Variants in CFAP46 observed in about 807,000 individuals in gnomAD.
The protein encoded by CFAP46 is cilia- and flagella-associated protein 46.
A neutral mutation model predicts 325.7 loss-of-function variants in CFAP46; 245 were observed. The observed-to-expected ratio is 0.75, with a 90% CI of 0.68 to 0.84. The LOEUF is 0.84. Ranked by LOEUF, CFAP46 falls within the 40% of genes least tolerant of loss-of-function variation. The pLI is 0.00. For synonymous variants in CFAP46, 1,523 were observed against 1,495.9 expected (o/e 1.02, Z -0.42); for missense variants, 3,346 against 3,543.0 (o/e 0.94, Z 1.41).
intron 10 of CFAP46, among the ~76,000 whole-genome samples, chr10:132,926,238 C>T (rs559499022): frequency 6.6e-6 from 1 of 152,272 alleles, no homozygotes; most frequent in South Asian, 2.1e-4. Flanking sequence ...GCGTGGCCGT[C>T]CCCCGTCCTC....
intron 8 of CFAP46, among the ~76,000 whole-genome samples, chr10:132,930,101 A>T (rs1849870217): frequency 6.6e-6 from 1 of 152,048 alleles, no homozygotes; most frequent in African/African-American, 2.4e-5. Context: ...CATGTGCAGA[A>T]CCCAGGAGAA....
Position 132,884,586 on chromosome 10 carries a change from C to G in CFAP46, c.3627+517G>C, listed in dbSNP as rs1419168281. Reference sequence around the variant, plus strand: ...CCCCTGACAAGCAGAGGCATCAAATCAACGCCAAAGCACCCACCTCCTCCT... The same window carrying G: ...CCCCTGACAAGCAGAGGCATCAAATGAACGCCAAAGCACCCACCTCCTCCT... On this transcript the variant is annotated intron_variant, in intron 27 of 57. Coordinates refer to ENST00000368586, the MANE Select transcript of CFAP46 (RefSeq NM_001200049.3). The surrounding 1 kb of genome is among the most constrained non-coding windows in gnomAD (Gnocchi z 5.4). Among the ~76,000 whole-genome samples the G allele has an allele frequency of 1.3e-5, 2 of 152,144 alleles. No homozygotes were observed. Among genetic ancestry groups the G allele is most frequent in the African/African-American group, 4.8e-5 (2 of 41,442 alleles).
Position 132,880,868 on chromosome 10 carries a change from C to CGTGG in CFAP46, c.3788_3791dup (p.Pro1265HisfsTer31). The CGTGG allele has an allele frequency of 6.5e-7, 1 of 1,547,688 alleles. No individual in the cohort carries two copies. Among genetic ancestry groups the CGTGG allele is most frequent in the Non-Finnish European group, 8.7e-7 (1 of 1,146,842 alleles). The stretch of plus-strand genomic sequence containing the variant: ...CCAGCGGCGTGGGCTCACCATCCGG[C>CGTGG]GTGGGCTGTGGCTCAGGGACATCGC... On this transcript the variant is annotated frameshift_variant, in exon 28 of 58. Coordinates refer to ENST00000368586, the MANE Select transcript of CFAP46 (RefSeq NM_001200049.3). LOFTEE classifies it high-confidence loss of function.
chr10:132,903,049 AT>A (rs749561404), intron 22 of CFAP46, among the ~76,000 whole-genome samples: 47 of 146,646 alleles, frequency 3.2e-4, no homozygotes, highest in Non-Finnish European at 1.5e-4. Context: ...CTCTCACCCC[AT>A]TGCTAAGGTG....
At chr10:132,818,645 G>A (rs770761234) in intron 50 of CFAP46, among the ~76,000 whole-genome samples, 1 of 152,098 alleles carries the variant, frequency 6.6e-6, no homozygotes, top group Non-Finnish European at 1.5e-5. Flanking sequence ...CTGAGGGCAG[G>A]AGTTTGAGAC....
intron 31 of CFAP46, among the ~76,000 whole-genome samples, chr10:132,873,300 C>T (rs1163786803): frequency 6.6e-6 from 1 of 152,136 alleles, no homozygotes; most frequent in African/African-American, 2.4e-5. Flanking sequence ...TGACTTGTCG[C>T]AAAAATGTAC....
chr10:132,893,628 G>A (rs939670878), intron 24 of CFAP46, among the ~76,000 whole-genome samples: 5 of 152,130 alleles, frequency 3.3e-5, no homozygotes, highest in African/African-American at 7.2e-5. Context: ...CAAGGACCCC[G>A]TCTTTAGCTG....
At chr10:132,856,106 T>C (rs1023934383) in intron 39 of CFAP46, among the ~76,000 whole-genome samples, 8 of 152,224 alleles carry the variant, frequency 5.3e-5, no homozygotes, top group African/African-American at 1.4e-4. Context: ...GGGTACAGAA[T>C]TCCAGGTTGG....
intron 38 of CFAP46, among the ~76,000 whole-genome samples, chr10:132,858,615 C>A (rs915519943): frequency 7.2e-5 from 11 of 152,006 alleles, no homozygotes; most frequent in African/African-American, 1.9e-4. Context: ...CAGAGCCATG[C>A]AGGGCAGGGC....
intron 35 of CFAP46, among the ~76,000 whole-genome samples, chr10:132,862,967 G>A (rs1591060687): frequency 6.6e-6 from 1 of 152,252 alleles, no homozygotes; most frequent in Non-Finnish European, 1.5e-5. Context: ...AGGCAAGAGG[G>A]CGGGAAAGAT....
chr10:132,826,360 C>T (rs1453269442), intron 50 of CFAP46, among the ~76,000 whole-genome samples: 4 of 144,842 alleles, frequency 2.8e-5, no homozygotes, highest in African/African-American at 5.3e-5. Context: ...CAGAGACCAG[C>T]CACGGAGCCA....
At chr10:132,883,752 A>G (rs958576264) in intron 27 of CFAP46, among the ~76,000 whole-genome samples, 2 of 152,242 alleles carry the variant, frequency 1.3e-5, no homozygotes, top group Non-Finnish European at 2.9e-5. Context: ...ATAACGGAAT[A>G]CGACTCAGTC....
intron 25 of CFAP46, among the ~76,000 whole-genome samples, chr10:132,888,177 C>T (rs141683721): frequency 5.9e-5 from 9 of 151,886 alleles, no homozygotes; most frequent in East Asian, 3.9e-4. Context: ...ATCGAGCGCC[C>T]GAGAACCATA....
At chr10:132,885,766 GGGGA>G in intron 26 of CFAP46, 51 bp downstream of exon 26, 1 of 1,465,240 alleles carries the variant, frequency 6.8e-7, no homozygotes. Context: ...CAGGCGGTGG[GGGGA>G]GCACTCAGGC....
intron 50 of CFAP46, among the ~76,000 whole-genome samples, chr10:132,816,722 T>C (rs1421552000): frequency 6.6e-6 from 1 of 152,222 alleles, no homozygotes; most frequent in Non-Finnish European, 1.5e-5. Flanking sequence ...CAATACCTTC[T>C]AAGTTATGTT....
intron 49 of CFAP46, among the ~76,000 whole-genome samples, 167 bp downstream of exon 49, chr10:132,833,874 G>C (rs530218984): frequency 2.6e-5 from 4 of 152,184 alleles, no homozygotes; most frequent in Admixed American, 2.6e-4. Context: ...AGAACCTTCC[G>C]GGGACCTCAG....
At chr10:132,926,214 A>G (rs1849807423) in intron 10 of CFAP46, among the ~76,000 whole-genome samples, 1 of 152,176 alleles carries the variant, frequency 6.6e-6, no homozygotes, top group Non-Finnish European at 1.5e-5. Context: ...GCTGGCAGAA[A>G]GCCCTCATGG....
At chr10:132,888,927 GC>G (rs1292365690) in intron 25 of CFAP46, among the ~76,000 whole-genome samples, 1 of 147,106 alleles carries the variant, frequency 6.8e-6, no homozygotes, top group Non-Finnish European at 1.5e-5. Flanking sequence ...ACCCCCACTG[GC>G]CCTGCTGTGC....
rs760120980 is a variant in CFAP46 at position 132,812,867 on chromosome 10, G to T, written c.7419C>A (p.Ser2473Arg). ...SQAQWEQALG[S>R]CSGFFFYGME... ...TTCCATAGAAGAAGAAACCGCTGCA[G>T]CTGCCCAGGGCCTGCTCCCACTGGG... The change falls in exon 55 of 58, where the codon AGC becomes AGA. Residue 2473 changes from serine (S) to arginine (R), a missense_variant. Physicochemically the swap from Ser to Arg is moderately radical, Grantham distance 110. Coordinates refer to ENST00000368586, the MANE Select transcript of CFAP46 (RefSeq NM_001200049.3). 6.2e-7 allele frequency: 1 copy of T among 1,610,002 alleles called. No individual in the cohort carries two copies. Among genetic ancestry groups the T allele is most frequent in the South Asian group, 1.1e-5 (1 of 91,090 alleles).
Sources: gnomAD v4.1 joint callset for allele counts (sites outside exome capture counted in the v4.1 genomes callset) on GRCh38, gnomAD v4.1.1 for gene constraint, Gnocchi (gnomAD v3.1) non-coding constraint, MANE v1.5 for transcripts, NCBI Gene and HGNC (gene_info 2026-07-23, HGNC 2026-07-21) for gene names.